Variants in ADAM12 observed in about 807,000 individuals in gnomAD.
ADAM12 encodes the protein ADAM metallopeptidase domain 12.
In ADAM12, 70 loss-of-function variants were observed where a neutral mutation model predicts 106.4. The ratio of observed to expected loss-of-function variants is 0.66; its 90% CI spans 0.54 to 0.80. The LOEUF is 0.80. Ranked by LOEUF, ADAM12 falls within the 30% of genes least tolerant of loss-of-function variation. ADAM12 has a pLI of 0.00. For missense variants in ADAM12, 1,010 were observed against 1,171.9 expected, an observed-to-expected ratio of 0.86 and a Z score of 2.02; for synonymous variants, 420 against 433.5, an observed-to-expected ratio of 0.97 and a Z score of 0.39.
Position 126,257,883 on chromosome 10 carries a change from T to C in ADAM12, c.260+21032A>G, listed in dbSNP as rs374855844. 1.1e-3 allele frequency among the ~76,000 whole-genome samples: 175 copies of C among 152,330 alleles called. 2 individuals are homozygous for C. The South Asian group carries it at 0.034, about 30-fold the overall frequency. Reference sequence around the variant, plus strand: ...CAGGTGAGTTCCTAACCAGAGGTCATGGATTTCTGGACAACGGTGGTGTCT... The same window carrying C: ...CAGGTGAGTTCCTAACCAGAGGTCACGGATTTCTGGACAACGGTGGTGTCT... On this transcript the variant is annotated intron_variant, in intron 3 of 22. Transcript: ENST00000448723.
intron 1 of ADAM12, among the ~76,000 whole-genome samples, chr10:126,375,842 C>T (rs1856271734): frequency 6.6e-6 from 1 of 151,374 alleles, no homozygotes; most frequent in African/African-American, 2.4e-5. Flanking sequence ...ACCTCCTGGG[C>T]TCAAGCAATC....
chr10:126,041,835 T>C, intron 18 of ADAM12: 1 of 1,219,020 alleles, frequency 8.2e-7, no homozygotes, highest in Non-Finnish European at 1.0e-6. Context: ...TCCTCCTTGC[T>C]GCAGGGCTGG....
intron 2 of ADAM12, among the ~76,000 whole-genome samples, chr10:126,318,625 T>C (rs1853978178): frequency 6.6e-6 from 1 of 152,010 alleles, no homozygotes; most frequent in African/African-American, 2.4e-5. Context: ...TCCATGGGTG[T>C]ATGTCAAAGA....
intron 3 of ADAM12, among the ~76,000 whole-genome samples, chr10:126,222,985 T>C (rs1400780642): frequency 1.3e-5 from 2 of 152,252 alleles, no homozygotes; most frequent in African/African-American, 4.8e-5. Flanking sequence ...GTCAGCTGAT[T>C]CATCATACTT....
rs553072448 is a variant in ADAM12, at chr10:126,144,045, T to A, written c.340-8385A>T. On this transcript the variant is annotated intron_variant, in intron 4 of 22. Coordinates refer to ENST00000448723, the MANE Select transcript of ADAM12 (RefSeq NM_001288973.2). ...CATCCTCCGAGCATCTCTGCTCCCA[T>A]GTCCATAACAAGAACCATGTCTGGT... Among the ~76,000 whole-genome samples the A allele has an allele frequency of 4.4e-4, 67 of 152,320 alleles. 1 individual carries two copies. The highest frequency in any genetic ancestry group is 6.8e-3 in the Middle Eastern group (2 of 294).
intron 6 of ADAM12, among the ~76,000 whole-genome samples, chr10:126,115,822 C>T (rs1955971116): frequency 1.3e-5 from 2 of 152,194 alleles, no homozygotes; most frequent in South Asian, 4.1e-4. Flanking sequence ...TCATATTTAC[C>T]GTAGGTGCTA....
At chr10:126,321,196 G>A (rs1466610416) in intron 2 of ADAM12, among the ~76,000 whole-genome samples, 1 of 152,256 alleles carries the variant, frequency 6.6e-6, no homozygotes, top group East Asian at 1.9e-4. Context: ...AACATAAAAA[G>A]CATTACTCAG....
At chr10:126,318,340 TCACA>T (rs1039114504) in intron 2 of ADAM12, among the ~76,000 whole-genome samples, 2 of 149,374 alleles carry the variant, frequency 1.3e-5, no homozygotes, top group African/African-American at 5.0e-5. Context: ...ACACACAAAC[TCACA>T]CACATTCACA....
intron 3 of ADAM12, among the ~76,000 whole-genome samples, chr10:126,220,080 G>A (rs1021231105): frequency 1.3e-5 from 2 of 152,226 alleles, no homozygotes; most frequent in African/African-American, 4.8e-5. Context: ...GGAGGAGGCT[G>A]AGAGGTCTCC....
At chr10:126,084,168 C>A (rs766670127) in intron 11 of ADAM12, among the ~76,000 whole-genome samples, 2 of 152,154 alleles carry the variant, frequency 1.3e-5, no homozygotes, top group Non-Finnish European at 2.9e-5. Context: ...TATAATTTCC[C>A]AGAATTTTTA....
At chr10:126,089,997 C>T (rs1465644088) in intron 11 of ADAM12, among the ~76,000 whole-genome samples, 2 of 151,832 alleles carry the variant, frequency 1.3e-5, no homozygotes, top group Non-Finnish European at 2.9e-5. Context: ...GCTATGTTGC[C>T]CATGCTGGTC....
intron 6 of ADAM12, among the ~76,000 whole-genome samples, chr10:126,113,687 A>AAAAAAAAAAAAT (rs1955920039): frequency 4.1e-5 from 1 of 24,140 alleles, no homozygotes; most frequent in Non-Finnish European, 6.5e-5. Flanking sequence ...AAAAAAAAAA[A>AAAAAAAAAAAAT]ATATATATAT....
At chr10:126,107,065 C>A (rs1459701036) in intron 8 of ADAM12, among the ~76,000 whole-genome samples, 1 of 152,148 alleles carries the variant, frequency 6.6e-6, no homozygotes, top group Non-Finnish European at 1.5e-5. Context: ...TGTACACAAA[C>A]ACACATACAT....
At chr10:126,364,021 A>G (rs549278710) in intron 1 of ADAM12, among the ~76,000 whole-genome samples, 4 of 152,288 alleles carry the variant, frequency 2.6e-5, no homozygotes, top group African/African-American at 9.6e-5. Flanking sequence ...ATGAATGAAT[A>G]TTTATATCAA....
intron 2 of ADAM12, among the ~76,000 whole-genome samples, chr10:126,288,665 G>A (rs1959995836): frequency 6.6e-6 from 1 of 151,774 alleles, no homozygotes. Flanking sequence ...GTGGCCCTAA[G>A]GACAGGATCA....
chr10:126,026,005 A>C (rs1229963948), intron 21 of ADAM12, among the ~76,000 whole-genome samples: 1 of 152,164 alleles, frequency 6.6e-6, no homozygotes, highest in Non-Finnish European at 1.5e-5. Flanking sequence ...CCAATATTCA[A>C]CATTCTTTAA....
rs184241518 is a variant in ADAM12, at chr10:126,148,994, C to A, written c.339+6233G>T. ...CCTCAAGGGCTGCCCAACACAGGGG[C>A]TGCAGCCACTCCCCAGTTAGCAGGG... On this transcript the variant is annotated intron_variant, in intron 4 of 22. Transcript: ENST00000448723. Among the ~76,000 whole-genome samples, 881 of 152,304 alleles carry A rather than the reference C, an allele frequency of 5.8e-3. 9 individuals carry two copies. Among genetic ancestry groups the A allele is most frequent in the African/African-American group, 0.02 (849 of 41,570 alleles).
At chr10:126,366,628 C>T (rs543065242) in intron 1 of ADAM12, among the ~76,000 whole-genome samples, 116 of 151,610 alleles carry the variant, frequency 7.7e-4, no homozygotes, top group Middle Eastern at 3.4e-3. Context: ...AGGTAGTGAC[C>T]CTCAGAAAAG....
At position 126,036,179 on chromosome 10, in the gene ADAM12, G is replaced by A; in HGVS notation, c.2496C>T (p.Pro832=). Residue 832 remains proline (P), a synonymous_variant, in exon 21 of 23, where the codon CCC becomes CCT. Transcript: ENST00000448723. ...APRAPSVPAR[P]LPAKPALRQA... ...GCCTAAGTGCAGGCTTGGCTGGCAGGGGTCTGGCAGGGACGCTAGGTGCAC... is the reference window on the plus strand; with the variant it reads ...GCCTAAGTGCAGGCTTGGCTGGCAGAGGTCTGGCAGGGACGCTAGGTGCAC... The A allele has an allele frequency of 6.6e-7, 1 of 1,503,856 alleles. No homozygotes were observed. Among genetic ancestry groups the A allele is most frequent in the East Asian group, 2.7e-5 (1 of 37,704 alleles). 93.2% of individuals were successfully genotyped at this position (1,503,856 alleles called of 1,614,324 possible). A position where few individuals can be genotyped will look rare whatever the true frequency, so the allele number is the denominator to read the frequency against.
Sources: allele counts gnomAD v4.1 joint callset (sites outside exome capture counted in the v4.1 genomes callset), GRCh38; gene constraint gnomAD v4.1.1; transcripts MANE v1.5; gene names NCBI Gene and HGNC (gene_info 2026-07-23, HGNC 2026-07-21).